Variants in TACC1 observed in about 807,000 individuals in gnomAD.
TACC1 encodes transforming acidic coiled-coil-containing protein 1.
In TACC1, 48 loss-of-function variants were observed where a neutral mutation model predicts 84.4. The observed-to-expected ratio is 0.57, with a 90% confidence interval of 0.45 to 0.72. The LOEUF (loss-of-function observed/expected upper bound fraction) is 0.72, where lower values mean the gene tolerates loss of function less well. Ranked by LOEUF, TACC1 falls within the 30% of genes least tolerant of loss-of-function variation. The pLI, the probability that TACC1 is intolerant of heterozygous loss-of-function variation, is 0.00. For synonymous variants in TACC1, 372 were observed against 376.3 expected, an observed-to-expected ratio of 0.99 and a Z score of 0.13; for missense variants, 920 against 973.0, an observed-to-expected ratio of 0.95 and a Z score of 0.72.
intron 2 of TACC1, among the ~76,000 whole-genome samples, chr8:38,800,489 G>A (rs1424390050): frequency 6.6e-6 from 1 of 152,040 alleles, no homozygotes; most frequent in East Asian, 1.9e-4. Flanking sequence ...TTATCTAAAC[G>A]TTTCATGTAA....
intron 1 of TACC1, among the ~76,000 whole-genome samples, chr8:38,739,853 G>A (rs1211630943): frequency 6.6e-6 from 1 of 152,202 alleles, no homozygotes; most frequent in Non-Finnish European, 1.5e-5. Context: ...AGGCTGTGAT[G>A]CAGGAAAAAC....
intron 3 of TACC1, among the ~76,000 whole-genome samples, chr8:38,776,993 C>T (rs1437352365): frequency 6.6e-6 from 1 of 152,102 alleles, no homozygotes; most frequent in Non-Finnish European, 1.5e-5. Flanking sequence ...CGGTGGCTCA[C>T]GCCTGTAATT....
At chr8:38,772,972 T>C (rs914843231) in intron 3 of TACC1, among the ~76,000 whole-genome samples, 2 of 152,180 alleles carry the variant, frequency 1.3e-5, no homozygotes, top group Non-Finnish European at 2.9e-5. Context: ...TTAAGGTTTA[T>C]TGTTGTATTA....
At chr8:38,784,593 C>CA (rs1816756749), upstream of TACC1, among the ~76,000 whole-genome samples, 1 of 151,810 alleles carries the variant, frequency 6.6e-6, no homozygotes, top group Non-Finnish European at 1.5e-5. Context: ...TAAATTGCTG[C>CA]ATAGGTGAGG....
intron 1 of TACC1, among the ~76,000 whole-genome samples, chr8:38,729,526 T>A (rs924373488): frequency 7.2e-5 from 11 of 152,204 alleles, no homozygotes; most frequent in Admixed American, 2.6e-4. Context: ...TGGGTTCACA[T>A]TTATTGTATA....
intron 2 of TACC1, among the ~76,000 whole-genome samples, chr8:38,799,241 C>T (rs1191806975): frequency 1.3e-5 from 2 of 152,230 alleles, no homozygotes; most frequent in Non-Finnish European, 1.5e-5. Context: ...ATCCCCCAGC[C>T]GTTAGCCTAG....
At chr8:38,819,022 C>CTCCCAA (rs1826074375) in intron 2 of TACC1, among the ~76,000 whole-genome samples, 1 of 152,094 alleles carries the variant, frequency 6.6e-6, no homozygotes, top group Admixed American at 6.6e-5. Context: ...ATGATGTGCC[C>CTCCCAA]GTCTTGGCCT....
chr8:38,769,436 T>G (rs868807112), intron 3 of TACC1, among the ~76,000 whole-genome samples: 2 of 125,784 alleles, frequency 1.6e-5, no homozygotes, highest in Admixed American at 8.2e-5. Flanking sequence ...GGTGGGGGGG[T>G]GTGGTGTGTA....
At chr8:38,796,864 A>G (rs1271107897) in intron 2 of TACC1, among the ~76,000 whole-genome samples, 6 of 152,226 alleles carry the variant, frequency 3.9e-5, no homozygotes, top group African/African-American at 1.4e-4. Context: ...CTGGCTGCAT[A>G]ACAAATTACT....
At chr8:38,760,885 A>C (rs990962941) in intron 3 of TACC1, among the ~76,000 whole-genome samples, 13 of 152,186 alleles carry the variant, frequency 8.5e-5, no homozygotes, top group African/African-American at 3.1e-4. Flanking sequence ...GTGAGTGTGC[A>C]ATACGTAGTT....
intron 2 of TACC1, among the ~76,000 whole-genome samples, chr8:38,804,836 C>G (rs1486343122): frequency 6.6e-6 from 1 of 152,156 alleles, no homozygotes; most frequent in Non-Finnish European, 1.5e-5. Flanking sequence ...CTCCTGGGCC[C>G]AAGTGATCCC....
intron 2 of TACC1, among the ~76,000 whole-genome samples, chr8:38,808,309 T>C (rs150320175): frequency 1.1e-3 from 163 of 152,348 alleles, no homozygotes; most frequent in African/African-American, 3.8e-3. Context: ...TGGCCCAAAC[T>C]CTTCATTATG....
rs1247102859 is a variant in TACC1 at position 38,852,940 on chromosome 8, TA to T, written c.*4921del. The T allele has an allele frequency of 1.3e-5, 2 of 152,678 alleles. No individual in the cohort carries two copies. Among genetic ancestry groups the T allele is most frequent in the African/African-American group, 4.8e-5 (2 of 41,468 alleles). 9.5% of individuals were successfully genotyped at this position (152,678 alleles called of 1,614,324 possible). The stretch of plus-strand genomic sequence containing the variant: ...TTTTTATATGTCAAGTAACTATTTG[TA>T]AAAGTTATACTCACAAATTATTATA... On this transcript the variant is annotated 3_prime_UTR_variant, in exon 13 of 13. Transcript: ENST00000317827.
intron 1 of TACC1, among the ~76,000 whole-genome samples, chr8:38,736,680 G>T (rs890207866): frequency 1.3e-5 from 2 of 152,170 alleles, no homozygotes; most frequent in African/African-American, 2.4e-5. Context: ...TGATAAATTT[G>T]AAGTCATTAT....
intron 3 of TACC1, among the ~76,000 whole-genome samples, chr8:38,755,159 CAAAAAAAAA>C (rs35992046): frequency 1.4e-5 from 1 of 72,350 alleles, no homozygotes; most frequent in East Asian, 6.0e-4. Flanking sequence ...GACTCCATCT[CAAAAAAAAA>C]AAAAAAAAAA....
intron 3 of TACC1, among the ~76,000 whole-genome samples, chr8:38,759,174 G>T (rs72636135): frequency 6.6e-6 from 1 of 152,120 alleles, no homozygotes; most frequent in Non-Finnish European, 1.5e-5. Context: ...GCTCCTTAAT[G>T]CTGGAGATCT....
At chr8:38,806,242 C>G (rs1027684303) in intron 2 of TACC1, among the ~76,000 whole-genome samples, 1 of 152,128 alleles carries the variant, frequency 6.6e-6, no homozygotes, top group African/African-American at 2.4e-5. Flanking sequence ...GGCTCCATGC[C>G]TGCCTGCTCT....
At position 38,827,334 on chromosome 8, in the gene TACC1, C is replaced by T; in HGVS notation, c.1619C>T (p.Pro540Leu). The change falls in exon 5 of 13, where the codon CCT becomes CTT. Residue 540 changes from proline (P) to leucine (L), a missense_variant. Pro to Leu is a moderately conservative substitution (Grantham distance 98). Coordinates refer to ENST00000317827, the MANE Select transcript of TACC1 (RefSeq NM_006283.3). ...DLEYFECSNV[P>L]VSTINHAFSS... ...GAGTACTTTGAATGTTCCAATGTTC[C>T]TGTGTCTACCATAAATCATGCGTTT... 6.2e-7 allele frequency: 1 copy of T among 1,614,190 alleles called. No homozygotes were observed. Among genetic ancestry groups the T allele is most frequent in the Admixed American group, 1.7e-5 (1 of 60,022 alleles).
intron 2 of TACC1, chr8:38,799,946 T>G (rs946896475): frequency 6.6e-6 from 1 of 152,262 alleles, no homozygotes; most frequent in Non-Finnish European, 1.5e-5. Flanking sequence ...AGCAGGAGGA[T>G]TGCTTGAGAC....
Sources: allele counts gnomAD v4.1 joint callset (sites outside exome capture counted in the v4.1 genomes callset), GRCh38; gene constraint gnomAD v4.1.1; transcripts MANE v1.5; gene names NCBI Gene and HGNC (gene_info 2026-07-23, HGNC 2026-07-21).